The following ACTN4 variants were observed in gnomAD, a reference collection of about 807,000 sequenced individuals.
ACTN4 encodes the protein alpha-actinin-4.
Under a neutral mutation model 114.2 loss-of-function variants are expected in ACTN4, and 18 were observed. The ratio of observed to expected loss-of-function variants is 0.16; its 90% CI spans 0.11 to 0.23. The LOEUF is 0.23. Ranked by LOEUF, ACTN4 falls within the 10% of genes least tolerant of loss-of-function variation. ACTN4 has a pLI of 1.00. For synonymous variants in ACTN4, 515 were observed against 506.3 expected (o/e 1.02, Z -0.23); for missense variants, 722 against 1,262.9 (o/e 0.57, Z 6.49).
At chr19:38,684,092 T>C (rs528573842) in intron 1 of ACTN4, 9 of 153,102 alleles carry the variant, frequency 5.9e-5, no homozygotes, top group African/African-American at 1.9e-4. Context: ...CCAGCTCTGC[T>C]GCTTAACAGC....
chr19:38,726,816 G>T, intron 17 of ACTN4, 141 bp from the exon 18 acceptor site: 1 of 1,282,978 alleles, frequency 7.8e-7, no homozygotes. Flanking sequence ...GAGGCACCAT[G>T]GCCCGTGTCC....
Position 38,723,929 on chromosome 19 carries a change from C to T in ACTN4, c.1552-8C>T, listed in dbSNP as rs1337979615. On this transcript the variant is annotated splice_polypyrimidine_tract_variant and splice_region_variant and intron_variant, in intron 13 of 20. Coordinates refer to ENST00000252699, the MANE Select transcript of ACTN4 (RefSeq NM_004924.6). ...TCTGTCCCTGCCCCCTTCCCTCCCA[C>T]ACACTAGAAAACAGAGAAGCAGCTG... 2.5e-6 allele frequency: 4 copies of T among 1,613,180 alleles called. No individual in the cohort carries two copies. The South Asian group carries it at 4.4e-5, about 18-fold the overall frequency.
chr19:38,717,387 T>TA lies in ACTN4; in HGVS notation c.1143+71_1143+72insA, dbSNP rs1968877522. 1 of 1,554,028 alleles carries TA rather than the reference T, an allele frequency of 6.4e-7. No individual in the cohort carries two copies. The highest frequency in any genetic ancestry group is 1.4e-5 in the African/African-American group (1 of 73,384). ...AGCCCTAGAACTGCCTGTGGGCAGT[T>TA]TGGCCAGCGTAATCTTTCCTAAGTT... is the stretch of plus-strand genomic sequence containing the variant. On this transcript the variant is annotated intron_variant, in intron 10 of 20. Transcript: ENST00000252699. The surrounding 1 kb of genome is among the most constrained non-coding windows in gnomAD (Gnocchi z 4.0).
At chr19:38,726,708 G>A (rs1309513809) in intron 17 of ACTN4, among the ~76,000 whole-genome samples, 1 of 152,176 alleles carries the variant, frequency 6.6e-6, no homozygotes, top group Non-Finnish European at 1.5e-5. Context: ...GTCTCCACAG[G>A]GATCCCGGCA....
chr19:38,667,392 T>C (rs527909539), intron 1 of ACTN4, among the ~76,000 whole-genome samples: 2 of 152,014 alleles, frequency 1.3e-5, no homozygotes, highest in East Asian at 3.9e-4. Flanking sequence ...CAAGGGAAAA[T>C]CCTAGCGGGA....
In ACTN4 at chr19:38,731,276, A is replaced by T; in HGVS notation, c.*1844A>T. ...TGGCCCACAGGGAACCCACCTTGGC[A>T]TTGCATCCCCACCCCACCTCCTCAG... On this transcript the variant is annotated 3_prime_UTR_variant, in exon 21 of 21. Coordinates refer to ENST00000252699, the MANE Select transcript of ACTN4 (RefSeq NM_004924.6). The T allele has an allele frequency of 7.2e-7, 1 of 1,389,186 alleles. No individual in the cohort carries two copies. The highest frequency in any genetic ancestry group is 1.0e-6 in the Non-Finnish European group (1 of 980,324). 86.1% of individuals were successfully genotyped at this position (1,389,186 alleles called of 1,614,324 possible).
chr19:38,726,961 T>A lies in ACTN4; in HGVS notation c.2195T>A (p.Ile732Asn). The A allele has an allele frequency of 6.2e-7, 1 of 1,613,918 alleles. No individual in the cohort carries two copies. Among genetic ancestry groups the A allele is most frequent in the African/African-American group, 1.3e-5 (1 of 75,034 alleles). The change falls in exon 18 of 21, where the codon ATC (isoleucine) becomes AAC (asparagine). Residue 732 changes from isoleucine to asparagine, a missense_variant. Ile to Asn is a moderately radical substitution (Grantham distance 149). Around this residue, in one of 3 missense-constraint regions of ACTN4, gnomAD observed 523 missense variants for 875.9 expected, o/e 0.60. Coordinates refer to ENST00000252699, the MANE Select transcript of ACTN4 (RefSeq NM_004924.6). ...NKHTNYTMEH[I>N]RVGWEQLLTT... ...CACGCCCCCGTCTTTCCGCAGCACA[T>A]CCGCGTGGGCTGGGAGCAGCTGCTC...
chr19:38,711,234 T>A, intron 8 of ACTN4: 1 of 960,726 alleles, frequency 1.0e-6, no homozygotes, highest in Non-Finnish European at 1.2e-6. Context: ...CGTCTTTCAC[T>A]CTCTCCTGCC....
chr19:38,705,110 T>C, intron 4 of ACTN4, 90 bp downstream of exon 4: 1 of 1,250,550 alleles, frequency 8.0e-7, no homozygotes, highest in East Asian at 2.3e-5. Flanking sequence ...TTCAAGCCTC[T>C]TCCTGTTTCC....
chr19:38,658,517 G>T (rs893057335), intron 1 of ACTN4, among the ~76,000 whole-genome samples: 2 of 152,004 alleles, frequency 1.3e-5, no homozygotes, highest in Non-Finnish European at 2.9e-5. Context: ...TGAGTACCTT[G>T]CCTTAAACTA....
intron 1 of ACTN4, among the ~76,000 whole-genome samples, chr19:38,663,248 T>C (rs1206056603): frequency 6.6e-6 from 1 of 152,074 alleles, no homozygotes; most frequent in African/African-American, 2.4e-5. Flanking sequence ...GTAACATGAG[T>C]TGGGGCTTCT....
chr19:38,728,384 A>G (rs1969321297), intron 19 of ACTN4: 1 of 1,340,684 alleles, frequency 7.5e-7, no homozygotes, highest in African/African-American at 1.5e-5. Context: ...ACAGCCTGGT[A>G]TGCAGCTCTG....
At chr19:38,697,628 A>G (rs374807508) in intron 1 of ACTN4, among the ~76,000 whole-genome samples, 2 of 152,244 alleles carry the variant, frequency 1.3e-5, no homozygotes, top group East Asian at 3.9e-4. Context: ...AGCAGCCCAC[A>G]CAGGCCAAGG....
intron 1 of ACTN4, among the ~76,000 whole-genome samples, chr19:38,674,361 A>C (rs931880396): frequency 2.0e-5 from 3 of 152,174 alleles, no homozygotes; most frequent in Non-Finnish European, 4.4e-5. Context: ...GCCGGTAGCG[A>C]GGATCTTGGA....
chr19:38,691,137 C>T (rs78104829), intron 1 of ACTN4, among the ~76,000 whole-genome samples: 3,019 of 152,208 alleles, frequency 0.02, 138 homozygotes, highest in South Asian at 0.15. Context: ...AGTGTGAGGC[C>T]GGGTGTGTTG....
intron 1 of ACTN4, among the ~76,000 whole-genome samples, chr19:38,649,666 G>C (rs1240844290): frequency 3.3e-5 from 5 of 152,110 alleles, no homozygotes; most frequent in Non-Finnish European, 4.4e-5. Flanking sequence ...TCAGGAACAG[G>C]CTACAGGGCT....
intron 1 of ACTN4, among the ~76,000 whole-genome samples, chr19:38,674,949 C>T (rs991314653): frequency 6.6e-6 from 1 of 152,152 alleles, no homozygotes. Context: ...TCACCTTCAT[C>T]CAGGCATCTG....
chr19:38,731,361 G>A lies in ACTN4; in HGVS notation c.*1929G>A. ...ACTCTGCCCCATCCCGGCAGGGTGA[G>A]TACAGGCTGATCCCTTCAATCCTCT... On this transcript the variant is annotated 3_prime_UTR_variant, in exon 21 of 21. Coordinates refer to ENST00000252699, the MANE Select transcript of ACTN4 (RefSeq NM_004924.6). 1.5e-6 allele frequency: 1 copy of A among 680,752 alleles called. No homozygotes were observed. The highest frequency in any genetic ancestry group is 1.7e-5 in the South Asian group (1 of 60,250). The allele number at this position is 680,752 out of a possible 1,614,324, so 42.2% of individuals were successfully genotyped here. A position where few individuals can be genotyped will look rare whatever the true frequency, so the allele number is the denominator to read the frequency against.
chr19:38,673,505 A>ACT (rs1568689504), intron 1 of ACTN4, among the ~76,000 whole-genome samples: 38 of 89,878 alleles, frequency 4.2e-4, no homozygotes, highest in African/African-American at 1.3e-3. Flanking sequence ...ATTTATATAT[A>ACT]TGAATATATA....
Sources: allele counts gnomAD v4.1 joint callset (sites outside exome capture counted in the v4.1 genomes callset), GRCh38; gene constraint gnomAD v4.1.1; regional missense constraint gnomAD v4.1.1; non-coding constraint Gnocchi (gnomAD v3.1); transcripts MANE v1.5; gene names NCBI Gene and HGNC (gene_info 2026-07-23, HGNC 2026-07-21).